Variants in SIPA1L3 observed in about 807,000 individuals in gnomAD.
The protein encoded by SIPA1L3 is signal induced proliferation associated 1 like 3, also known as signal-induced proliferation-associated 1-like protein 3.
Under a neutral mutation model 150.1 loss-of-function variants are expected in SIPA1L3, and 59 were observed. The ratio of observed to expected loss-of-function variants is 0.39; its 90% CI spans 0.32 to 0.49. The LOEUF (loss-of-function observed/expected upper bound fraction) is 0.49, where lower values mean the gene tolerates loss of function less well. Ranked by LOEUF, SIPA1L3 falls within the 20% of genes least tolerant of loss-of-function variation. The pLI, the probability that SIPA1L3 is intolerant of heterozygous loss-of-function variation, is 0.86. For missense variants in SIPA1L3, 2,211 were observed against 2,489.5 expected (o/e 0.89, Z 2.38); for synonymous variants, 1,070 against 1,077.6 (o/e 0.99, Z 0.14).
Position 38,119,216 on chromosome 19 carries a change from A to T in SIPA1L3, c.2292-90A>T, listed in dbSNP as rs535650836. The T allele has an allele frequency of 3.6e-5, 46 of 1,269,704 alleles. No individual in the cohort carries two copies. In the African/African-American group the frequency reaches 6.7e-4, roughly 19 times the overall value. 78.7% of individuals were successfully genotyped at this position (1,269,704 alleles called of 1,614,324 possible). A position where few individuals can be genotyped will look rare whatever the true frequency, so the allele number is the denominator to read the frequency against. On this transcript the variant is annotated intron_variant, in intron 8 of 21. Transcript: ENST00000222345. The stretch of plus-strand genomic sequence containing the variant: ...TCTCGATAAAACAAACAAACAAAAA[A>T]CCCTATTCCTATTTTTTGATCGAAT...
At chr19:37,945,675 G>A (rs990140917) in intron 1 of SIPA1L3, among the ~76,000 whole-genome samples, 1 of 152,106 alleles carries the variant, frequency 6.6e-6, no homozygotes, top group African/African-American at 2.4e-5. Flanking sequence ...AAGGTCTGTG[G>A]CATTCTTTTT....
At chr19:38,005,952 G>C (rs113735053) in intron 1 of SIPA1L3, among the ~76,000 whole-genome samples, 2 of 152,326 alleles carry the variant, frequency 1.3e-5, no homozygotes, top group African/African-American at 4.8e-5. Context: ...GGAGGCTGAG[G>C]GGGGAAGATT....
intron 19 of SIPA1L3, among the ~76,000 whole-genome samples, chr19:38,201,587 C>A (rs990129213): frequency 6.6e-6 from 1 of 152,242 alleles, no homozygotes; most frequent in Admixed American, 6.5e-5. Context: ...AGCTCGCACT[C>A]TCATCTAACT....
chr19:37,936,200 CA>C (rs1647398656), intron 1 of SIPA1L3, among the ~76,000 whole-genome samples: 1 of 152,098 alleles, frequency 6.6e-6, no homozygotes, highest in Non-Finnish European at 1.5e-5. Context: ...GTGACATGGC[CA>C]CTCCTTGCTG....
rs1971615372 is a variant in SIPA1L3, at chr19:38,142,571, A to C, written c.3396-2A>C. 6.2e-7 allele frequency: 1 copy of C among 1,605,590 alleles called. No homozygotes were observed. The highest frequency in any genetic ancestry group is 8.5e-7 in the Non-Finnish European group (1 of 1,174,300). On this transcript the variant is annotated splice_acceptor_variant, in intron 11 of 21. Transcript: ENST00000222345. LOFTEE classifies it high-confidence loss of function. ...CCTCCTTCCTCCCCTGTCTCCTTCT[A>C]GGCCTGTCAGCTTCCCAGAAACCCC...
intron 8 of SIPA1L3, among the ~76,000 whole-genome samples, chr19:38,114,494 C>A (rs1336703817): frequency 1.3e-5 from 2 of 152,072 alleles, no homozygotes; most frequent in African/African-American, 2.4e-5. Flanking sequence ...ATCTGACTGC[C>A]CCATTCAGTA....
intron 1 of SIPA1L3, 165 bp downstream of exon 1, chr19:37,907,523 C>A (rs1490097046): frequency 1.3e-5 from 2 of 152,268 alleles, no homozygotes; most frequent in Non-Finnish European, 2.9e-5. Context: ...GGACTCGTGC[C>A]CGCATGGCTC....
At chr19:37,943,105 AC>A (rs1176813444) in intron 1 of SIPA1L3, among the ~76,000 whole-genome samples, 1 of 131,786 alleles carries the variant, frequency 7.6e-6, no homozygotes, top group Non-Finnish European at 1.5e-5. Context: ...AACTCCTGGC[AC>A]CAGGTGATCC....
At chr19:38,029,948 A>C (rs1968607862) in intron 2 of SIPA1L3, among the ~76,000 whole-genome samples, 1 of 147,668 alleles carries the variant, frequency 6.8e-6, no homozygotes, top group Non-Finnish European at 1.5e-5. Flanking sequence ...TCCACCTCCC[A>C]GGTTCAAGTG....
chr19:38,040,445 C>T (rs1968890933), intron 2 of SIPA1L3, among the ~76,000 whole-genome samples: 1 of 151,884 alleles, frequency 6.6e-6, no homozygotes, highest in Admixed American at 6.6e-5. Flanking sequence ...AAAACCAACT[C>T]AGATGTTTAA....
intron 2 of SIPA1L3, among the ~76,000 whole-genome samples, chr19:38,078,239 G>A (rs539172174): frequency 1.1e-4 from 16 of 152,160 alleles, no homozygotes; most frequent in Admixed American, 3.9e-4. Flanking sequence ...TTGTGTTCTC[G>A]TGGGGCACCA....
intron 1 of SIPA1L3, among the ~76,000 whole-genome samples, chr19:37,929,235 G>T (rs1469282655): frequency 6.6e-6 from 1 of 152,190 alleles, no homozygotes; most frequent in Non-Finnish European, 1.5e-5. Flanking sequence ...CCTGAAGTAG[G>T]TAGCACAGGG....
chr19:38,141,057 C>CAAAA (rs551813100), intron 10 of SIPA1L3, 127 bp from the exon 11 acceptor site: 27 of 396,402 alleles, frequency 6.8e-5, no homozygotes, highest in Admixed American at 3.1e-4. Flanking sequence ...GACTCTGTCT[C>CAAAA]AAAAAAAAAA....
At chr19:37,941,433 G>C (rs1369054609) in intron 1 of SIPA1L3, among the ~76,000 whole-genome samples, 6 of 149,996 alleles carry the variant, frequency 4.0e-5, no homozygotes, top group Admixed American at 4.0e-4. Context: ...TTGGGCTGGT[G>C]GTTTCTAATC....
In SIPA1L3 at chr19:38,141,263, C is replaced by G; in HGVS notation, c.3223C>G (p.Pro1075Ala). The change falls in exon 11 of 22, where the codon CCC becomes GCC. Residue 1075 changes from proline (P) to alanine (A), a missense_variant. Transcript: ENST00000222345. Reference protein sequence around the residue: ...QESITPGGRPPYRSNAPWQWS... With the variant: ...QESITPGGRPAYRSNAPWQWS... ...AAGCATCACTCCTGGGGGCCGGCCC[C>G]CCTACCGCAGCAATGCTCCCTGGCA... 1.2e-6 allele frequency: 2 copies of G among 1,613,850 alleles called. No individual in the cohort carries two copies. The highest frequency in any genetic ancestry group is 1.7e-6 in the Non-Finnish European group (2 of 1,179,906).
chr19:38,191,920 C>T (rs143511185), intron 16 of SIPA1L3, among the ~76,000 whole-genome samples: 398 of 152,328 alleles, frequency 2.6e-3, no homozygotes, highest in African/African-American at 9.3e-3. Flanking sequence ...GCCGTGTCCC[C>T]AGCACCTGGG....
At chr19:38,038,795 C>T (rs1968847325) in intron 2 of SIPA1L3, among the ~76,000 whole-genome samples, 1 of 152,198 alleles carries the variant, frequency 6.6e-6, no homozygotes, top group Admixed American at 6.5e-5. Flanking sequence ...ATCCCAAGGC[C>T]TGGGTCTCAC....
chr19:38,084,926 C>T (rs550248624), intron 3 of SIPA1L3, among the ~76,000 whole-genome samples: 2 of 152,042 alleles, frequency 1.3e-5, no homozygotes, highest in African/African-American at 4.8e-5. Flanking sequence ...AGGCGTGAGC[C>T]ACCATGCCCA....
At chr19:37,955,557 C>T (rs2046803100) in intron 1 of SIPA1L3, among the ~76,000 whole-genome samples, 2 of 152,262 alleles carry the variant, frequency 1.3e-5, no homozygotes, top group Non-Finnish European at 2.9e-5. Context: ...CCCAGGCTAC[C>T]ACTAACCTGC....
Sources: gnomAD v4.1 joint callset for allele counts (sites outside exome capture counted in the v4.1 genomes callset) on GRCh38, gnomAD v4.1.1 for gene constraint, MANE v1.5 for transcripts, NCBI Gene and HGNC (gene_info 2026-07-23, HGNC 2026-07-21) for gene names.